The following KIF5C variants were observed in gnomAD, a reference collection of about 807,000 sequenced individuals.
KIF5C encodes kinesin heavy chain isoform 5C.
In KIF5C, 18 loss-of-function variants were observed where a neutral mutation model predicts 125.2. That is an observed-to-expected ratio of 0.14 (90% confidence interval 0.10 to 0.21). The LOEUF is 0.21. KIF5C is among the 10% of genes least tolerant of loss of function. The pLI, the probability that KIF5C is intolerant of heterozygous loss-of-function variation, is 1.00. For missense variants in KIF5C, 780 were observed against 1,183.8 expected, an observed-to-expected ratio of 0.66 and a Z score of 5.01; for synonymous variants, 405 against 434.0, an observed-to-expected ratio of 0.93 and a Z score of 0.83.
At chr2:148,950,538 A>C in intron 10 of KIF5C, 76 bp downstream of exon 10, 1 of 1,515,276 alleles carries the variant, frequency 6.6e-7, no homozygotes, top group South Asian at 1.3e-5. Flanking sequence ...GCTGGGTGCA[A>C]TGGCTCACAC....
chr2:148,996,032 G>C (rs776406124), intron 17 of KIF5C, among the ~76,000 whole-genome samples: 1 of 152,146 alleles, frequency 6.6e-6, no homozygotes, highest in African/African-American at 2.4e-5. Context: ...GCACACGCCT[G>C]TAATCCCAGC....
intron 15 of KIF5C, among the ~76,000 whole-genome samples, chr2:148,989,035 T>C (rs897561133): frequency 1.3e-5 from 2 of 152,160 alleles, no homozygotes; most frequent in African/African-American, 2.4e-5. Context: ...TCTTTAGTGG[T>C]GATTTCTGAG....
chr2:148,897,918 CAAAAAAAAAAAAAAAAAA>C (rs55762538), intron 1 of KIF5C, among the ~76,000 whole-genome samples: 29 of 20,448 alleles, frequency 1.4e-3, no homozygotes, highest in East Asian at 8.8e-3. Context: ...GACTCAGTCT[CAAAAAAAAAAAAAAAAAA>C]AAAAAAAAAA....
At chr2:148,962,274 T>C (rs530128926) in intron 11 of KIF5C, among the ~76,000 whole-genome samples, 155 bp downstream of exon 11, 1 of 152,042 alleles carries the variant, frequency 6.6e-6, no homozygotes, top group East Asian at 1.9e-4. Flanking sequence ...CAAGCCATTC[T>C]CCTGGCTCAG....
intron 11 of KIF5C, among the ~76,000 whole-genome samples, chr2:148,965,356 C>T (rs1181293447): frequency 6.6e-6 from 1 of 152,068 alleles, no homozygotes; most frequent in Non-Finnish European, 1.5e-5. Context: ...CCCCCAGCAA[C>T]CCCATTGCCA....
intron 11 of KIF5C, among the ~76,000 whole-genome samples, chr2:148,971,172 G>A (rs1376627279): frequency 5.9e-5 from 9 of 152,056 alleles, no homozygotes; most frequent in African/African-American, 2.2e-4. Flanking sequence ...AGAAGGGAGG[G>A]GTGAAGGAGG....
chr2:148,895,571 T>C (rs1005118421), intron 1 of KIF5C, among the ~76,000 whole-genome samples: 11 of 152,220 alleles, frequency 7.2e-5, no homozygotes, highest in Non-Finnish European at 1.6e-4. Flanking sequence ...TGTGACTTAC[T>C]CTTTTCTCTT....
chr2:148,895,371 C>T (rs1271897525), intron 1 of KIF5C, among the ~76,000 whole-genome samples: 2 of 152,190 alleles, frequency 1.3e-5, no homozygotes, highest in Non-Finnish European at 2.9e-5. Context: ...CTCCTAACCT[C>T]AAGTGATCCA....
intron 15 of KIF5C, among the ~76,000 whole-genome samples, chr2:148,987,278 T>A: frequency 6.6e-6 from 1 of 152,184 alleles, no homozygotes; most frequent in Admixed American, 6.5e-5. Context: ...TCACTTTTAT[T>A]TGGAGACTTA....
chr2:148,985,161 G>T, intron 15 of KIF5C, among the ~76,000 whole-genome samples: 1 of 152,090 alleles, frequency 6.6e-6, no homozygotes. Context: ...GTGGTATAAA[G>T]TTGTCCAGAA....
chr2:148,996,384 A>G (rs1681674255), intron 17 of KIF5C, among the ~76,000 whole-genome samples: 1 of 152,248 alleles, frequency 6.6e-6, no homozygotes, highest in African/African-American at 2.4e-5. Context: ...TTGTGTGGTA[A>G]CACATGGCAT....
intron 7 of KIF5C, among the ~76,000 whole-genome samples, chr2:148,943,181 C>T (rs569132161): frequency 1.3e-5 from 2 of 151,984 alleles, no homozygotes; most frequent in Non-Finnish European, 2.9e-5. Flanking sequence ...GGAAATAAAC[C>T]ATGTTGGATT....
At chr2:148,879,040 T>C (rs964333428) in intron 1 of KIF5C, 1 of 152,202 alleles carries the variant, frequency 6.6e-6, no homozygotes, top group Non-Finnish European at 1.5e-5. Context: ...GGAGAAATGT[T>C]CTCCATCACT....
At chr2:148,969,459 G>GTA (rs1680841605) in intron 11 of KIF5C, among the ~76,000 whole-genome samples, 1 of 151,330 alleles carries the variant, frequency 6.6e-6, no homozygotes. Context: ...GTGTGTGTGT[G>GTA]TGTATGTGTG....
At chr2:149,011,358 G>A (rs561447613) in intron 24 of KIF5C, among the ~76,000 whole-genome samples, 2 of 152,342 alleles carry the variant, frequency 1.3e-5, no homozygotes, top group African/African-American at 4.8e-5. Context: ...TGATGTTTAA[G>A]TTCTTTCTGT....
chr2:148,956,996 C>G (rs73965218), intron 10 of KIF5C, among the ~76,000 whole-genome samples: 20,989 of 152,170 alleles, frequency 0.14, 2,199 homozygotes, highest in African/African-American at 0.29. Context: ...ACTTGTTTCT[C>G]TATATCAAAG....
intron 2 of KIF5C, among the ~76,000 whole-genome samples, chr2:148,923,511 T>A (rs1223394265): frequency 6.6e-6 from 1 of 152,212 alleles, no homozygotes; most frequent in Non-Finnish European, 1.5e-5. Flanking sequence ...CTTTTACTCT[T>A]CTGCTTCTCT....
rs547590234 is a variant in KIF5C, at chr2:149,015,486, G to C, written c.*7+3803G>C. Among the ~76,000 whole-genome samples, 19 of 152,302 alleles carry C rather than the reference G, an allele frequency of 1.2e-4. 1 individual carries two copies. The South Asian group carries it at 3.9e-3, about 32-fold the overall frequency. On this transcript the variant is annotated intron_variant, in intron 25 of 25. Coordinates refer to ENST00000435030, the MANE Select transcript of KIF5C (RefSeq NM_004522.3). Reference sequence around the variant, plus strand: ...TGTGTCTTCCCAGCCCTCCTGTGGAGTCAAAGCACATATTCTTACAGCTGG... The same window carrying C: ...TGTGTCTTCCCAGCCCTCCTGTGGACTCAAAGCACATATTCTTACAGCTGG...
intron 1 of KIF5C, among the ~76,000 whole-genome samples, chr2:148,921,834 T>C (rs1681798105): frequency 6.6e-6 from 1 of 152,242 alleles, no homozygotes; most frequent in Non-Finnish European, 1.5e-5. Flanking sequence ...TGCCAGGCTC[T>C]GTGTAAGTGC....
Sources: allele counts gnomAD v4.1 joint callset (sites outside exome capture counted in the v4.1 genomes callset), GRCh38; gene constraint gnomAD v4.1.1; transcripts MANE v1.5; gene names NCBI Gene and HGNC (gene_info 2026-07-23, HGNC 2026-07-21).